Variants in ZNF277 observed in about 807,000 individuals in gnomAD.
ZNF277 encodes the protein zinc finger protein 277.
In ZNF277, 55 loss-of-function variants were observed where a neutral mutation model predicts 60.7. The ratio of observed to expected loss-of-function variants is 0.91; its 90% CI spans 0.73 to 1.13. The LOEUF is 1.13. Ranked by LOEUF, ZNF277 falls within the 50% of genes most tolerant of loss-of-function variation. The pLI is 0.00. For synonymous variants in ZNF277, 178 were observed against 179.3 expected (o/e 0.99, Z 0.06); for missense variants, 510 against 523.0 (o/e 0.98, Z 0.24).
intron 1 of ZNF277, among the ~76,000 whole-genome samples, chr7:112,231,139 G>A (rs1463343188): frequency 2.6e-5 from 4 of 151,738 alleles, no homozygotes; most frequent in Non-Finnish European, 5.9e-5. Context: ...ACTTGAACCC[G>A]GGAGGCGGAG....
At chr7:112,264,273 T>C (rs1451543664) in intron 1 of ZNF277, among the ~76,000 whole-genome samples, 1 of 152,154 alleles carries the variant, frequency 6.6e-6, no homozygotes, top group African/African-American at 2.4e-5. Flanking sequence ...ATGCAACTCC[T>C]AAATGCTAAT....
intron 1 of ZNF277, among the ~76,000 whole-genome samples, chr7:112,229,304 A>G (rs1341636415): frequency 6.6e-6 from 1 of 152,240 alleles, no homozygotes; most frequent in Admixed American, 6.5e-5. Flanking sequence ...AGGCAGGTAG[A>G]TGAATACAGA....
downstream of ZNF277, among the ~76,000 whole-genome samples, chr7:112,343,934 G>GAA (rs58956925): frequency 6.1e-5 from 7 of 113,916 alleles, no homozygotes; most frequent in African/African-American, 8.7e-5. Flanking sequence ...TCAAAAAAAG[G>GAA]AAAAAAAAAA....
At chr7:112,311,431 G>A (rs990020621) in intron 4 of ZNF277, among the ~76,000 whole-genome samples, 4 of 152,040 alleles carry the variant, frequency 2.6e-5, no homozygotes, top group Non-Finnish European at 5.9e-5. Flanking sequence ...TCTTTGAGAG[G>A]CTCAAATGTA....
At chr7:112,339,095 G>A (rs1302089173) in intron 9 of ZNF277, among the ~76,000 whole-genome samples, 2 of 152,202 alleles carry the variant, frequency 1.3e-5, no homozygotes, top group African/African-American at 4.8e-5. Flanking sequence ...CAGTGTATTT[G>A]ACAGCATAAA....
chr7:112,326,501 G>A (rs1793095974), intron 5 of ZNF277, among the ~76,000 whole-genome samples: 1 of 152,110 alleles, frequency 6.6e-6, no homozygotes, highest in South Asian at 2.1e-4. Context: ...TGTCTGGGCT[G>A]CCCCTGGGAA....
chr7:112,280,590 G>A (rs2097023727), intron 1 of ZNF277, among the ~76,000 whole-genome samples: 1 of 152,038 alleles, frequency 6.6e-6, no homozygotes, highest in Non-Finnish European at 1.5e-5. Flanking sequence ...TAGGGTTCAA[G>A]GTCCCTGTGG....
At chr7:112,223,257 A>G (rs1822082105) in intron 1 of ZNF277, among the ~76,000 whole-genome samples, 1 of 152,168 alleles carries the variant, frequency 6.6e-6, no homozygotes, top group Non-Finnish European at 1.5e-5. Context: ...CCATTTCAGG[A>G]TCTGCTGTTG....
intron 4 of ZNF277, among the ~76,000 whole-genome samples, chr7:112,302,396 A>G (rs951376850): frequency 6.6e-6 from 1 of 152,226 alleles, no homozygotes. Flanking sequence ...CAACAAACTG[A>G]AAGTAAAAAA....
intron 1 of ZNF277, among the ~76,000 whole-genome samples, chr7:112,254,411 G>A (rs1587120681): frequency 6.6e-6 from 1 of 152,256 alleles, no homozygotes; most frequent in Non-Finnish European, 1.5e-5. Flanking sequence ...TACAATTCAG[G>A]AACCACTGGT....
chr7:112,242,863 C>A (rs1482421468), intron 1 of ZNF277, among the ~76,000 whole-genome samples: 1 of 152,016 alleles, frequency 6.6e-6, no homozygotes. Flanking sequence ...ATAGCCAAAG[C>A]AATCCTAAGC....
At chr7:112,284,734 G>C (rs1020967265) in intron 1 of ZNF277, among the ~76,000 whole-genome samples, 1 of 152,148 alleles carries the variant, frequency 6.6e-6, no homozygotes, top group South Asian at 2.1e-4. Flanking sequence ...TAAACAGTTT[G>C]ATTTAGCATA....
chr7:112,255,058 G>T (rs968461338), intron 1 of ZNF277, among the ~76,000 whole-genome samples: 1 of 152,126 alleles, frequency 6.6e-6, no homozygotes, highest in Non-Finnish European at 1.5e-5. Context: ...AACTATAAAA[G>T]TGTGTGGTTT....
intron 4 of ZNF277, among the ~76,000 whole-genome samples, chr7:112,304,162 G>A (rs1792540810): frequency 6.6e-6 from 1 of 152,064 alleles, no homozygotes; most frequent in Non-Finnish European, 1.5e-5. Context: ...GCTGAGAAAG[G>A]TGGATTTTAT....
chr7:112,214,742 A>G lies in ZNF277; in HGVS notation c.91+7935A>G, dbSNP rs74573401. 1.5e-3 allele frequency among the ~76,000 whole-genome samples: 236 copies of G among 152,286 alleles called. 2 individuals are homozygous for G. Among genetic ancestry groups the G allele is most frequent in the African/African-American group, 5.2e-3 (216 of 41,558 alleles). ...GTCAACAATTGACAAGTGGTAAAAT[A>G]TTTAAAATTTTATAGGATAATGTGG... On this transcript the variant is annotated intron_variant, in intron 1 of 11. Coordinates refer to ENST00000361822, the MANE Select transcript of ZNF277 (RefSeq NM_021994.3).
chr7:112,339,736 G>T (rs1793406694), intron 9 of ZNF277, 107 bp from the exon 10 acceptor site: 1 of 1,124,242 alleles, frequency 8.9e-7, no homozygotes, highest in African/African-American at 1.6e-5. Flanking sequence ...ACCGAACTCA[G>T]ACTGAGTTTC....
At chr7:112,243,291 C>G (rs1791002855) in intron 1 of ZNF277, among the ~76,000 whole-genome samples, 1 of 151,580 alleles carries the variant, frequency 6.6e-6, no homozygotes, top group South Asian at 2.1e-4. Context: ...ATGACTAAGA[C>G]CTCAAAAGCA....
chr7:112,261,397 G>T (rs1040095635), intron 1 of ZNF277, among the ~76,000 whole-genome samples: 2 of 152,050 alleles, frequency 1.3e-5, no homozygotes, highest in Admixed American at 6.6e-5. Flanking sequence ...TAAATGCAAT[G>T]GATGGCATTT....
intron 1 of ZNF277, among the ~76,000 whole-genome samples, chr7:112,273,820 A>G (rs1365945136): frequency 2.0e-5 from 3 of 152,178 alleles, no homozygotes; most frequent in African/African-American, 7.2e-5. Context: ...CTTGCTCCTC[A>G]GTATCTAGCA....
Sources: gnomAD v4.1 joint callset for allele counts (sites outside exome capture counted in the v4.1 genomes callset) on GRCh38, gnomAD v4.1.1 for gene constraint, MANE v1.5 for transcripts, NCBI Gene and HGNC (gene_info 2026-07-23, HGNC 2026-07-21) for gene names.